MKLN1: variants seen among roughly 807,000 people sequenced by gnomAD.
The protein encoded by MKLN1 is muskelin.
In MKLN1, 18 loss-of-function variants were observed where a neutral mutation model predicts 99.0. That is an observed-to-expected ratio of 0.18 (90% confidence interval 0.13 to 0.27). MKLN1 has a LOEUF of 0.27. Among genes scored for constraint, MKLN1 ranks in the 10% least tolerant of loss-of-function variants. The probability of loss-of-function intolerance (pLI) is 1.00; values close to 1 mark genes in which losing one functional copy is unlikely to be tolerated. For missense variants in MKLN1, 621 were observed against 875.9 expected (o/e 0.71, Z 3.67); for synonymous variants, 288 against 293.2 (o/e 0.98, Z 0.18).
chr7:131,276,404 T>C (rs1053924843), intron 3 of MKLN1, among the ~76,000 whole-genome samples: 1 of 152,092 alleles, frequency 6.6e-6, no homozygotes, highest in Non-Finnish European at 1.5e-5. Flanking sequence ...CAGAGATCTG[T>C]TCTAGATGGG....
intron 2 of MKLN1, among the ~76,000 whole-genome samples, chr7:131,173,624 CAGG>C (rs958764417): frequency 6.6e-6 from 1 of 152,108 alleles, no homozygotes; most frequent in African/African-American, 2.4e-5. Flanking sequence ...GAGGCTGAGG[CAGG>C]AGAATTGCTT....
intron 2 of MKLN1, among the ~76,000 whole-genome samples, chr7:131,160,914 C>T (rs1386844055): frequency 6.6e-6 from 1 of 152,100 alleles, no homozygotes; most frequent in Non-Finnish European, 1.5e-5. Context: ...AGTATAGGAG[C>T]AAGTGGTTGC....
At chr7:131,362,860 CT>C in intron 1 of MKLN1, among the ~76,000 whole-genome samples, 1 of 151,978 alleles carries the variant, frequency 6.6e-6, no homozygotes, top group Admixed American at 6.6e-5. Context: ...ACTCTTCTCA[CT>C]TATATGTAAG....
chr7:131,365,382 C>T (rs1046402604), intron 1 of MKLN1, among the ~76,000 whole-genome samples: 8 of 152,258 alleles, frequency 5.3e-5, no homozygotes, highest in African/African-American at 1.9e-4. Flanking sequence ...AATATTTTCT[C>T]CCATTCTGTA....
chr7:131,257,364 C>A (rs1413302948), intron 3 of MKLN1, among the ~76,000 whole-genome samples: 1 of 152,106 alleles, frequency 6.6e-6, no homozygotes, highest in African/African-American at 2.4e-5. Flanking sequence ...CCTAAATAAA[C>A]AATAGGTCCA....
chr7:131,379,932 C>T (rs1793792834), intron 2 of MKLN1, among the ~76,000 whole-genome samples: 1 of 152,192 alleles, frequency 6.6e-6, no homozygotes, highest in Non-Finnish European at 1.5e-5. Context: ...CACTTTTCTA[C>T]TGAGTAGCCT....
intron 2 of MKLN1, among the ~76,000 whole-genome samples, chr7:131,178,968 C>T (rs552050288): frequency 1.6e-4 from 24 of 151,882 alleles, no homozygotes; most frequent in Admixed American, 6.6e-5. Flanking sequence ...GTTTCCTTTC[C>T]TCCCTTTCCT....
At chr7:131,212,649 C>T (rs898318871) in intron 3 of MKLN1, among the ~76,000 whole-genome samples, 6 of 152,134 alleles carry the variant, frequency 3.9e-5, no homozygotes, top group Non-Finnish European at 7.4e-5. Context: ...CTTAGCTGGG[C>T]GCAGTGGCTC....
intron 1 of MKLN1, among the ~76,000 whole-genome samples, chr7:131,328,817 G>A (rs990894522): frequency 2.6e-5 from 4 of 152,184 alleles, no homozygotes; most frequent in African/African-American, 9.7e-5. Flanking sequence ...GCATTGTTAG[G>A]TTTTTGTTGG....
At chr7:131,474,868 G>A (rs1193019943) in intron 16 of MKLN1, among the ~76,000 whole-genome samples, 1 of 152,190 alleles carries the variant, frequency 6.6e-6, no homozygotes, top group Non-Finnish European at 1.5e-5. Flanking sequence ...CAGGAAGCAT[G>A]ACTGGGAGTC....
intron 2 of MKLN1, among the ~76,000 whole-genome samples, chr7:131,197,501 G>T (rs953377685): frequency 2.6e-5 from 4 of 150,992 alleles, no homozygotes; most frequent in Non-Finnish European, 5.9e-5. Context: ...TCCCACCTCA[G>T]CCTCCCAAAG....
rs1797526547 is a variant in MKLN1 at position 131,495,266 on chromosome 7, A to AGTC, written c.*7538_*7539insGTC. The AGTC allele has an allele frequency of 6.6e-6, 1 of 152,196 alleles. No homozygotes were observed. The highest frequency in any genetic ancestry group is 2.1e-4 in the South Asian group (1 of 4,828). The allele number at this position is 152,196 out of a possible 1,614,324, so 9.4% of individuals were successfully genotyped here. ...AAATTAGATTGAGAAGAAAGATACA[A>AGTC]CTTCCTCCATAGCCAATAAAATCTG... On this transcript the variant is annotated 3_prime_UTR_variant, in exon 18 of 18. Transcript: ENST00000352689.
intron 4 of MKLN1, among the ~76,000 whole-genome samples, chr7:131,390,562 CA>C (rs1250296521): frequency 6.6e-6 from 1 of 151,940 alleles, no homozygotes; most frequent in Non-Finnish European, 1.5e-5. Context: ...GTATAATTGA[CA>C]AATAATAATT....
At chr7:131,429,166 TACATCTATATTACAGAAGGG>T in intron 9 of MKLN1, 21 bp downstream of exon 9, 1 of 1,522,878 alleles carries the variant, frequency 6.6e-7, no homozygotes, top group South Asian at 1.1e-5. Flanking sequence ...AGACTTTTCA[TACATCTATATTACAGAAGGG>T]GCGTAGATGT....
rs541701727 is a variant in MKLN1 at position 131,211,988 on chromosome 7, G to A, written c.-179+9014G>A. On this transcript the variant is annotated intron_variant, in intron 3 of 7. Transcript: ENST00000416992. ...TGATGAAAAGCATTAGAAATGAGAA[G>A]GCCTTTGTTGAAAATATGAAATGCC... Among the ~76,000 whole-genome samples the A allele has an allele frequency of 1.3e-5, 2 of 152,206 alleles. 1 individual carries two copies. Among genetic ancestry groups the A allele is most frequent in the South Asian group, 4.2e-4 (2 of 4,816 alleles).
At chr7:131,275,870 T>C (rs1196011087) in intron 3 of MKLN1, among the ~76,000 whole-genome samples, 2 of 152,052 alleles carry the variant, frequency 1.3e-5, no homozygotes, top group African/African-American at 2.4e-5. Flanking sequence ...GAAGGTGATG[T>C]AGACTTACTC....
Position 131,163,462 on chromosome 7 carries a change from C to T in MKLN1, c.-297+20521C>T, listed in dbSNP as rs556934518. Among the ~76,000 whole-genome samples, 8 of 152,322 alleles carry T rather than the reference C, an allele frequency of 5.3e-5. 1 individual carries two copies. Among genetic ancestry groups the T allele is most frequent in the African/African-American group, 1.9e-4 (8 of 41,582 alleles). ...ATTCACAGGTCAGCCTCTGCTGTAA[C>T]ATTCAGATTGAGATGGAGTAGACTG... is the stretch of plus-strand genomic sequence containing the variant. On this transcript the variant is annotated intron_variant, in intron 2 of 7. Coordinates refer to the MKLN1 transcript ENST00000416992.
chr7:131,435,012 CAT>C (rs1190984576), intron 9 of MKLN1, among the ~76,000 whole-genome samples: 10 of 152,274 alleles, frequency 6.6e-5, no homozygotes, highest in African/African-American at 2.4e-4. Flanking sequence ...AAATTTCGTA[CAT>C]GTTATCAGAT....
At chr7:131,305,152 T>C (rs181812889) in intron 3 of MKLN1, among the ~76,000 whole-genome samples, 7 of 152,322 alleles carry the variant, frequency 4.6e-5, no homozygotes, top group Admixed American at 3.9e-4. Flanking sequence ...CTATTCTTTA[T>C]GTGTTACCCA....
Sources: allele counts gnomAD v4.1 joint callset (sites outside exome capture counted in the v4.1 genomes callset), GRCh38; gene constraint gnomAD v4.1.1; transcripts MANE v1.5; gene names NCBI Gene and HGNC (gene_info 2026-07-23, HGNC 2026-07-21).